Variants in EPB41L3 observed in about 807,000 individuals in gnomAD.
EPB41L3 encodes the protein erythrocyte membrane protein band 4.1 like 3.
In EPB41L3, 57 loss-of-function variants were observed where a neutral mutation model predicts 127.1. That is an observed-to-expected ratio of 0.45 (90% CI 0.36 to 0.56). EPB41L3 has a LOEUF of 0.56. EPB41L3 is among the 20% of genes least tolerant of loss of function. EPB41L3 has a pLI of 0.00. For synonymous variants in EPB41L3, 572 were observed against 549.5 expected, an observed-to-expected ratio of 1.04 and a Z score of -0.57; for missense variants, 1,273 against 1,372.2, an observed-to-expected ratio of 0.93 and a Z score of 1.14.
At chr18:5,398,450 T>A in intron 16 of EPB41L3, 1 of 434,938 alleles carries the variant, frequency 2.3e-6, no homozygotes. Context: ...GAGCTGGAAA[T>A]AAAATGGAAA....
At chr18:5,559,489 A>AT (rs1198401635) in intron 3 of EPB41L3, among the ~76,000 whole-genome samples, 1 of 152,188 alleles carries the variant, frequency 6.6e-6, no homozygotes, top group African/African-American at 2.4e-5. Context: ...AAAAATGGCA[A>AT]TTTTTTGTAA....
chr18:5,529,928 A>ATGTATGTGTGTGTGTGTGTG (rs374864271), intron 1 of EPB41L3, among the ~76,000 whole-genome samples: 1 of 146,884 alleles, frequency 6.8e-6, no homozygotes, highest in South Asian at 2.2e-4. Flanking sequence ...CAACTCATAT[A>ATGTATGTGTGTGTGTGTGTG]TGTGTGTGTG....
At chr18:5,500,445 CCTT>C (rs1204941927) in intron 1 of EPB41L3, among the ~76,000 whole-genome samples, 1 of 152,118 alleles carries the variant, frequency 6.6e-6, no homozygotes, top group Non-Finnish European at 1.5e-5. Context: ...CTCTCCAACT[CCTT>C]CTGAAATGGG....
intron 1 of EPB41L3, among the ~76,000 whole-genome samples, chr18:5,542,161 A>G (rs760879489): frequency 2.0e-5 from 3 of 152,134 alleles, no homozygotes; most frequent in Non-Finnish European, 4.4e-5. Flanking sequence ...TTAAACACTC[A>G]CTCTGAGCCA....
chr18:5,459,926 T>TG lies in EPB41L3; in HGVS notation c.382-14683dup, dbSNP rs1282711532. Among the ~76,000 whole-genome samples, 3 of 152,334 alleles carry TG rather than the reference T, an allele frequency of 2.0e-5. No individual in the cohort carries two copies. In the East Asian group the frequency reaches 5.8e-4, roughly 29 times the overall value. ...TATTTTTAAACTTTTATTTTAGAGT[T>TG]GGGGCACATGTGCAGATGTGTTATA... On this transcript the variant is annotated intron_variant, in intron 3 of 22. Transcript: ENST00000341928.
At chr18:5,535,004 C>T (rs961171788) in intron 1 of EPB41L3, among the ~76,000 whole-genome samples, 6 of 152,068 alleles carry the variant, frequency 3.9e-5, no homozygotes, top group Non-Finnish European at 5.9e-5. Context: ...TGGTGGTGAG[C>T]GGTGGGTGAG....
chr18:5,585,354 A>G (rs1010964011), intron 3 of EPB41L3, among the ~76,000 whole-genome samples: 1 of 152,068 alleles, frequency 6.6e-6, no homozygotes, highest in African/African-American at 2.4e-5. Flanking sequence ...CCCAGGCTGG[A>G]GTGCCGTAGT....
At chr18:5,478,752 T>C (rs2087762893) in intron 2 of EPB41L3, among the ~76,000 whole-genome samples, 1 of 152,208 alleles carries the variant, frequency 6.6e-6, no homozygotes. Flanking sequence ...AAGGATTGGA[T>C]AGTATAGGCC....
intron 5 of EPB41L3, among the ~76,000 whole-genome samples, chr18:5,443,073 T>C (rs956521246): frequency 6.6e-6 from 1 of 152,184 alleles, no homozygotes; most frequent in African/African-American, 2.4e-5. Context: ...TGAAACTTCA[T>C]TTGCTATACA....
intron 13 of EPB41L3, among the ~76,000 whole-genome samples, chr18:5,413,816 T>C (rs16948141): frequency 0.056 from 8,563 of 152,260 alleles, 378 homozygotes; most frequent in African/African-American, 0.12. Flanking sequence ...TGCTAATTCA[T>C]GGTTTTGGAG....
intron 1 of EPB41L3, among the ~76,000 whole-genome samples, chr18:5,500,620 G>A (rs2091656192): frequency 2.6e-5 from 4 of 152,178 alleles, no homozygotes; most frequent in African/African-American, 4.8e-5. Flanking sequence ...CCAGTACCAC[G>A]GGGTGAAGGA....
chr18:5,542,593 C>T (rs956675169), intron 1 of EPB41L3, among the ~76,000 whole-genome samples: 44 of 152,272 alleles, frequency 2.9e-4, no homozygotes, highest in African/African-American at 9.9e-4. Context: ...GCAGGACTGC[C>T]CGGCCCTCTC....
Position 5,428,347 on chromosome 18 carries a change from C to T in EPB41L3, c.1031G>A (p.Arg344Gln), listed in dbSNP as rs1568125288. 5.0e-6 allele frequency: 8 copies of T among 1,614,130 alleles called. No homozygotes were observed. Among genetic ancestry groups the T allele is most frequent in the Non-Finnish European group, 6.8e-6 (8 of 1,180,024 alleles). ...CCGGATCTTAATGTAAAAGTTGTTC[C>T]GTTTGTATGAAATCTTTAGAACCTT... ...WPKVLKISYK[R>Q]NNFYIKIRPG... is the part of the protein sequence containing the mutation. Residue 344 changes from arginine (R) to glutamine (Q), a missense_variant, in exon 9 of 23, where the codon CGG becomes CAG. Physicochemically the swap from Arg to Gln is conservative, Grantham distance 43 (BLOSUM62 1). Coordinates refer to ENST00000341928, the MANE Select transcript of EPB41L3 (RefSeq NM_012307.5).
chr18:5,541,776 C>T (rs2093737269), intron 1 of EPB41L3, among the ~76,000 whole-genome samples: 1 of 152,202 alleles, frequency 6.6e-6, no homozygotes, highest in South Asian at 2.1e-4. Context: ...GCAAATATTT[C>T]ATTGAGACAC....
At chr18:5,584,084 G>C (rs759144568) in intron 3 of EPB41L3, among the ~76,000 whole-genome samples, 2 of 152,208 alleles carry the variant, frequency 1.3e-5, no homozygotes, top group African/African-American at 2.4e-5. Flanking sequence ...TTACAGGTGT[G>C]AGCCTCTGTG....
At chr18:5,408,794 T>A (rs1249018140) in intron 14 of EPB41L3, among the ~76,000 whole-genome samples, 1 of 151,960 alleles carries the variant, frequency 6.6e-6, no homozygotes, top group Admixed American at 6.6e-5. Context: ...TTTCAAGGAG[T>A]GGTCTAATCC....
At chr18:5,566,783 T>TATTCTATTCC (rs1201000985) in intron 3 of EPB41L3, among the ~76,000 whole-genome samples, 1 of 77,460 alleles carries the variant, frequency 1.3e-5, no homozygotes. Flanking sequence ...TATTCTATTC[T>TATTCTATTCC]ATTCTATTCC....
At chr18:5,505,464 C>T (rs1012555400) in intron 1 of EPB41L3, among the ~76,000 whole-genome samples, 5 of 151,960 alleles carry the variant, frequency 3.3e-5, no homozygotes, top group Non-Finnish European at 1.5e-5. Context: ...CCCTGCCTCC[C>T]CACACCTACA....
chr18:5,559,691 C>T (rs1785393), intron 3 of EPB41L3, among the ~76,000 whole-genome samples: 15,652 of 152,066 alleles, frequency 0.1, 847 homozygotes, highest in Middle Eastern at 0.13. Context: ...TAATTTGAAA[C>T]CCTCTTGCAG....
Sources: allele counts gnomAD v4.1 joint callset (sites outside exome capture counted in the v4.1 genomes callset), GRCh38; gene constraint gnomAD v4.1.1; transcripts MANE v1.5; gene names NCBI Gene and HGNC (gene_info 2026-07-23, HGNC 2026-07-21).